Variants in RNF216 observed in about 807,000 individuals in gnomAD.
The protein encoded by RNF216 is E3 ubiquitin-protein ligase RNF216.
In RNF216, 72 loss-of-function variants were observed where a neutral mutation model predicts 110.8. The ratio of observed to expected loss-of-function variants is 0.65; its 90% CI spans 0.54 to 0.79. The LOEUF (loss-of-function observed/expected upper bound fraction) is 0.79, where lower values mean the gene tolerates loss of function less well. Among genes scored for constraint, RNF216 ranks in the 30% least tolerant of loss-of-function variants. The pLI, the probability that RNF216 is intolerant of heterozygous loss-of-function variation, is 0.00. For missense variants in RNF216, 1,342 were observed against 1,141.2 expected (o/e 1.18, Z -2.54); for synonymous variants, 495 against 407.5 (o/e 1.21, Z -2.59).
In RNF216 at chr7:5,624,238, T is replaced by G; in HGVS notation, c.2383-113A>C. The stretch of plus-strand genomic sequence containing the variant: ...ATGGCCATGGAACAAGCCCGAAGCC[T>G]GCTGCTGGCCAGTGGGGCCTGGGCT... On this transcript the variant is annotated intron_variant, in intron 15 of 16. Coordinates refer to ENST00000389902, the MANE Select transcript of RNF216 (RefSeq NM_207111.4). The surrounding 1 kb of genome is among the most constrained non-coding windows in gnomAD (Gnocchi z 4.4). 1.2e-6 allele frequency: 1 copy of G among 831,148 alleles called. No homozygotes were observed. Among genetic ancestry groups the G allele is most frequent in the Non-Finnish European group, 1.9e-6 (1 of 518,438 alleles). The allele number at this position is 831,148 out of a possible 1,614,324, so 51.5% of individuals were successfully genotyped here.
chr7:5,622,973 AC>A lies in RNF216; in HGVS notation c.2658del (p.Tyr887ThrfsTer71). 1 of 1,614,068 alleles carries A rather than the reference AC, an allele frequency of 6.2e-7. No homozygotes were observed. The highest frequency in any genetic ancestry group is 8.5e-7 in the Non-Finnish European group (1 of 1,180,004). On this transcript the variant is annotated frameshift_variant, in exon 17 of 17. Coordinates refer to ENST00000389902, the MANE Select transcript of RNF216 (RefSeq NM_207111.4). LOFTEE classifies it high-confidence loss of function. Reference sequence around the variant, plus strand: ...CGCACGTTGGGCAGAGGGGGCACGTACGGGGCTGGGATAGGCCCCATGTTGA... The same window carrying A: ...CGCACGTTGGGCAGAGGGGGCACGTAGGGGCTGGGATAGGCCCCATGTTGA... ...FPLNMGPIPA[P>X]YVPPLPNVRV...
intron 13 of RNF216, among the ~76,000 whole-genome samples, chr7:5,706,588 A>C (rs961800574): frequency 1.4e-4 from 21 of 152,240 alleles, no homozygotes; most frequent in Non-Finnish European, 2.9e-5. Flanking sequence ...AGGCTGCATA[A>C]TATACCAAAT....
intron 13 of RNF216, among the ~76,000 whole-genome samples, chr7:5,663,637 G>C (rs951438733): frequency 6.8e-6 from 1 of 146,898 alleles, no homozygotes; most frequent in African/African-American, 2.5e-5. Flanking sequence ...ACAGTGGTTC[G>C]TGCCTGTAAT....
At chr7:5,752,819 C>A in intron 3 of RNF216, 27 bp downstream of exon 3, 2 of 1,604,588 alleles carry the variant, frequency 1.2e-6, no homozygotes, top group South Asian at 1.1e-5. Flanking sequence ...GCAATAATGT[C>A]TCATTGTAAG....
At chr7:5,767,658 G>C (rs1254526928) in intron 1 of RNF216, among the ~76,000 whole-genome samples, 1 of 151,108 alleles carries the variant, frequency 6.6e-6, no homozygotes, top group Non-Finnish European at 1.5e-5. Flanking sequence ...TGAAGTAATG[G>C]TGCGATCTTG....
chr7:5,747,090 T>C (rs1795066151), intron 3 of RNF216, among the ~76,000 whole-genome samples: 1 of 152,222 alleles, frequency 6.6e-6, no homozygotes, highest in South Asian at 2.1e-4. Flanking sequence ...TCCTGAATAT[T>C]CACAGTCTAC....
intron 5 of RNF216, among the ~76,000 whole-genome samples, chr7:5,737,814 G>A (rs1432287365): frequency 6.6e-6 from 1 of 151,988 alleles, no homozygotes; most frequent in Non-Finnish European, 1.5e-5. Flanking sequence ...ACCAGGCTGA[G>A]CACGGTGGCT....
At chr7:5,718,031 C>T (rs1032966390) in intron 9 of RNF216, among the ~76,000 whole-genome samples, 2 of 152,114 alleles carry the variant, frequency 1.3e-5, no homozygotes, top group East Asian at 3.9e-4. Context: ...TACTTATTTG[C>T]TTTTCCATAA....
chr7:5,769,530 C>A (rs1440563151), intron 1 of RNF216, among the ~76,000 whole-genome samples: 4 of 151,038 alleles, frequency 2.6e-5, no homozygotes, highest in Non-Finnish European at 5.9e-5. Flanking sequence ...CAAGACCAGC[C>A]TGGGCAACAT....
At chr7:5,650,384 G>C (rs1207164007) in intron 14 of RNF216, among the ~76,000 whole-genome samples, 1 of 152,206 alleles carries the variant, frequency 6.6e-6, no homozygotes, top group African/African-American at 2.4e-5. Flanking sequence ...AGGACAATCA[G>C]AATGAAGGCT....
Position 5,741,331 on chromosome 7 carries a change from C to G in RNF216, c.686G>C (p.Trp229Ser). 1 of 1,614,128 alleles carries G rather than the reference C, an allele frequency of 6.2e-7. No homozygotes were observed. Among genetic ancestry groups the G allele is most frequent in the Non-Finnish European group, 8.5e-7 (1 of 1,179,998 alleles). The stretch of plus-strand genomic sequence containing the variant: ...AGACTGGAAGTAAGGATGATCTAAC[C>G]AGCAGTCTTCTTCGATGGCCTGATC... ...ADDQAIEEDCWLDHPYFQSLN... is the reference protein window; with the variant it reads ...ADDQAIEEDCSLDHPYFQSLN... The change falls in exon 4 of 17, where the codon TGG becomes TCG. Residue 229 changes from tryptophan (W) to serine (S), a missense_variant. Coordinates refer to ENST00000389902, the MANE Select transcript of RNF216 (RefSeq NM_207111.4).
Position 5,761,111 on chromosome 7 carries a change from A to T in RNF216, c.-42T>A. The T allele has an allele frequency of 7.5e-7, 1 of 1,327,390 alleles. No homozygotes were observed. Among genetic ancestry groups the T allele is most frequent in the Non-Finnish European group, 1.0e-6 (1 of 958,820 alleles). 82.2% of individuals were successfully genotyped at this position (1,327,390 alleles called of 1,614,324 possible). On this transcript the variant is annotated 5_prime_UTR_variant, in exon 2 of 17. Transcript: ENST00000389902. The stretch of plus-strand genomic sequence containing the variant: ...GCATATATGGGACTGCTAATATCTA[A>T]ACATGGTGACCATCTGTTTCAAAAG...
chr7:5,732,940 G>A (rs1794177491), intron 5 of RNF216: 1 of 152,188 alleles, frequency 6.6e-6, no homozygotes, highest in Non-Finnish European at 1.5e-5. Context: ...GTGAGTGAAA[G>A]GTCTAAGTTA....
intron 2 of RNF216, among the ~76,000 whole-genome samples, chr7:5,755,457 C>A (rs918265687): frequency 1.3e-5 from 2 of 152,240 alleles, no homozygotes; most frequent in African/African-American, 4.8e-5. Context: ...ATCACCACCA[C>A]AAGGTCAGGA....
chr7:5,744,654 C>A (rs1414918408), intron 3 of RNF216, among the ~76,000 whole-genome samples: 1 of 151,648 alleles, frequency 6.6e-6, no homozygotes, highest in East Asian at 1.9e-4. Flanking sequence ...AACAAACAAA[C>A]AAAAAACAAC....
chr7:5,651,502 G>C (rs1788386279), intron 14 of RNF216, among the ~76,000 whole-genome samples: 1 of 152,078 alleles, frequency 6.6e-6, no homozygotes, highest in African/African-American at 2.4e-5. Context: ...AAAATGCCAG[G>C]ATTACAGGCC....
intron 13 of RNF216, among the ~76,000 whole-genome samples, chr7:5,692,505 T>C (rs536346615): frequency 1.4e-4 from 22 of 152,332 alleles, no homozygotes; most frequent in African/African-American, 5.3e-4. Flanking sequence ...CCCTGACTTC[T>C]GGTCCAAGGT....
At chr7:5,769,441 G>C (rs113744768) in intron 1 of RNF216, among the ~76,000 whole-genome samples, 1 of 151,362 alleles carries the variant, frequency 6.6e-6, no homozygotes, top group Non-Finnish European at 1.5e-5. Flanking sequence ...TAAACAAAGA[G>C]GCTGGGCGTG....
chr7:5,683,023 T>C (rs1297419246), intron 13 of RNF216, among the ~76,000 whole-genome samples: 1 of 151,920 alleles, frequency 6.6e-6, no homozygotes, highest in African/African-American at 2.4e-5. Context: ...GGTCACAAAC[T>C]CCTTAAGAAT....
Sources: gnomAD v4.1 joint callset for allele counts (sites outside exome capture counted in the v4.1 genomes callset) on GRCh38, gnomAD v4.1.1 for gene constraint, Gnocchi (gnomAD v3.1) non-coding constraint, MANE v1.5 for transcripts, NCBI Gene and HGNC (gene_info 2026-07-23, HGNC 2026-07-21) for gene names.